The following PLA2G4A variants were observed in gnomAD, a reference collection of about 807,000 sequenced individuals.
PLA2G4A encodes phospholipase A2 group IVA, also known as cytosolic phospholipase A2.
In PLA2G4A, 40 loss-of-function variants were observed where a neutral mutation model predicts 81.9. The observed-to-expected ratio is 0.49, with a 90% CI of 0.38 to 0.64. The LOEUF (loss-of-function observed/expected upper bound fraction) is 0.64. Among genes scored for constraint, PLA2G4A ranks in the 30% least tolerant of loss-of-function variants. PLA2G4A has a pLI of 0.00. For missense variants in PLA2G4A, 715 were observed against 905.1 expected, an observed-to-expected ratio of 0.79 and a Z score of 2.69; for synonymous variants, 302 against 296.9, an observed-to-expected ratio of 1.02 and a Z score of -0.18.
chr1:186,876,821 A>C (rs560688079), intron 3 of PLA2G4A, among the ~76,000 whole-genome samples: 1 of 152,230 alleles, frequency 6.6e-6, no homozygotes, highest in East Asian at 1.9e-4. Context: ...GAAACTAAAG[A>C]AAACCCAAAT....
At chr1:186,854,510 T>C (rs1406592294) in intron 2 of PLA2G4A, 123 bp downstream of exon 2, 3 of 743,330 alleles carry the variant, frequency 4.0e-6, no homozygotes, top group Non-Finnish European at 7.5e-6. Flanking sequence ...TAAACTCATA[T>C]GAACTTAATA....
chr1:186,898,082 C>G (rs1451603610), intron 5 of PLA2G4A, among the ~76,000 whole-genome samples: 1 of 151,848 alleles, frequency 6.6e-6, no homozygotes, highest in African/African-American at 2.4e-5. Flanking sequence ...CCTTCTTCAC[C>G]CAAAAGCTTC....
chr1:186,903,763 G>T (rs1398334731), intron 5 of PLA2G4A, among the ~76,000 whole-genome samples: 2 of 152,110 alleles, frequency 1.3e-5, no homozygotes, highest in Non-Finnish European at 2.9e-5. Context: ...CTATGTTATG[G>T]TGAGTTGTAT....
chr1:186,932,677 A>G (rs1374900006), intron 7 of PLA2G4A, 86 bp from the exon 8 acceptor site: 1 of 1,270,096 alleles, frequency 7.9e-7, no homozygotes, highest in Non-Finnish European at 1.2e-6. Flanking sequence ...AAAATATGGG[A>G]TGTATAACAT....
At chr1:186,875,321 G>A (rs896372261) in intron 3 of PLA2G4A, among the ~76,000 whole-genome samples, 1 of 151,812 alleles carries the variant, frequency 6.6e-6, no homozygotes, top group African/African-American at 2.4e-5. Context: ...GTTTATTTTT[G>A]AAATTCTTAT....
intron 3 of PLA2G4A, among the ~76,000 whole-genome samples, chr1:186,880,259 C>T (rs1571360626): frequency 6.6e-6 from 1 of 151,704 alleles, no homozygotes; most frequent in Admixed American, 6.6e-5. Context: ...ACTTAGGTAG[C>T]CTTTTAATAT....
chr1:186,949,090 T>G (rs894063376), intron 12 of PLA2G4A, among the ~76,000 whole-genome samples: 1 of 152,150 alleles, frequency 6.6e-6, no homozygotes, highest in African/African-American at 2.4e-5. Context: ...TTTGAATGAA[T>G]GTGAAAAATT....
Position 186,939,182 on chromosome 1 carries a change from C to T in PLA2G4A, c.870C>T (p.Thr290=), listed in dbSNP as rs1656057296. The T allele has an allele frequency of 6.2e-7, 1 of 1,607,034 alleles. No homozygotes were observed. The highest frequency in any genetic ancestry group is 1.1e-5 in the South Asian group (1 of 90,940). The change falls in exon 9 of 18, where the codon ACC becomes ACT. Residue 290 remains threonine, a synonymous_variant. Transcript: ENST00000367466. ...AGAAAAGCTCTGGACAACCTGTCAC[C>T]TTTACTGATATCTTTGGGATGTTAA... ...WKKKSSGQPV[T]FTDIFGMLIG... is the part of the protein sequence containing the mutation.
chr1:186,863,777 TGGGGACAGAGTCTCCCTC>T (rs1652907630), intron 2 of PLA2G4A, among the ~76,000 whole-genome samples: 3 of 148,328 alleles, frequency 2.0e-5, no homozygotes, highest in African/African-American at 2.5e-5. Context: ...TTTTTTTTTT[TGGGGACAGAGTCTCCCTC>T]TTTTGCCCAG....
chr1:186,856,205 A>G lies in PLA2G4A; in HGVS notation c.33+1818A>G, dbSNP rs147580944. Among the ~76,000 whole-genome samples the G allele has an allele frequency of 3.0e-4, 46 of 152,164 alleles. No homozygotes were observed. The East Asian group carries it at 8.5e-3, about 28-fold the overall frequency. ...GAGTCTTCCAATCCATTAACAAACC[A>G]TGAATCTCATCCACAACTAAACGTT... On this transcript the variant is annotated intron_variant, in intron 2 of 17. Coordinates refer to ENST00000367466, the MANE Select transcript of PLA2G4A (RefSeq NM_024420.3).
chr1:186,834,469 G>C (rs1651707974), intron 1 of PLA2G4A, among the ~76,000 whole-genome samples: 1 of 151,762 alleles, frequency 6.6e-6, no homozygotes. Context: ...TAGTTTTAAT[G>C]TGTATTCTTT....
intron 3 of PLA2G4A, among the ~76,000 whole-genome samples, chr1:186,891,560 G>A (rs1654145911): frequency 6.6e-6 from 1 of 151,882 alleles, no homozygotes; most frequent in South Asian, 2.1e-4. Flanking sequence ...TGTGCTGTTT[G>A]TCTTTCTGTG....
chr1:186,884,106 G>A (rs1389752266), intron 3 of PLA2G4A, among the ~76,000 whole-genome samples: 1 of 152,024 alleles, frequency 6.6e-6, no homozygotes, highest in African/African-American at 2.4e-5. Context: ...TCCGAGAGAA[G>A]CGGTATTGAG....
At chr1:186,905,887 C>T (rs1290576989) in intron 5 of PLA2G4A, among the ~76,000 whole-genome samples, 2 of 152,200 alleles carry the variant, frequency 1.3e-5, no homozygotes, top group African/African-American at 4.8e-5. Flanking sequence ...AAATTCAGCA[C>T]TGAGAATCAA....
intron 5 of PLA2G4A, among the ~76,000 whole-genome samples, chr1:186,894,934 A>G (rs981892681): frequency 1.3e-5 from 2 of 152,208 alleles, no homozygotes; most frequent in African/African-American, 2.4e-5. Flanking sequence ...GCTGGTTACC[A>G]TACTAATTTC....
At chr1:186,890,915 A>G (rs886919708) in intron 3 of PLA2G4A, among the ~76,000 whole-genome samples, 2 of 151,882 alleles carry the variant, frequency 1.3e-5, no homozygotes. Context: ...TTTCCATCTG[A>G]ATATTGCCAT....
chr1:186,877,757 T>C (rs1251209316), intron 3 of PLA2G4A, among the ~76,000 whole-genome samples: 2 of 144,502 alleles, frequency 1.4e-5, no homozygotes, highest in Non-Finnish European at 3.0e-5. Context: ...GATTCTGGCA[T>C]AGCAGTAAGA....
rs1657099962 is a variant in PLA2G4A at position 186,965,550 on chromosome 1, T to C, written c.1721T>C (p.Phe574Ser). The C allele has an allele frequency of 6.2e-7, 1 of 1,613,686 alleles. No individual in the cohort carries two copies. The highest frequency in any genetic ancestry group is 8.5e-7 in the Non-Finnish European group (1 of 1,179,582). The stretch of plus-strand genomic sequence containing the variant: ...AGAGGGGTTGATCTCATAATCTCCT[T>C]TGACTTTTCTGCAAGGCCAAGTGAC... ...PQRGVDLIIS[F>S]DFSARPSDSS... is the part of the protein sequence containing the mutation. The change falls in exon 15 of 18, where the codon TTT (phenylalanine) becomes TCT (serine). Residue 574 changes from phenylalanine (F) to serine (S), a missense_variant. Transcript: ENST00000367466.
chr1:186,946,366 T>C (rs1168404725), intron 10 of PLA2G4A, among the ~76,000 whole-genome samples: 4 of 152,144 alleles, frequency 2.6e-5, no homozygotes, highest in South Asian at 4.1e-4. Context: ...CAAAAAGACA[T>C]CTGAGTTTTT....
Sources: allele counts gnomAD v4.1 joint callset (sites outside exome capture counted in the v4.1 genomes callset), GRCh38; gene constraint gnomAD v4.1.1; transcripts MANE v1.5; gene names NCBI Gene and HGNC (gene_info 2026-07-23, HGNC 2026-07-21).